The following MYO10 variants were observed in gnomAD, a reference collection of about 807,000 sequenced individuals.
MYO10 encodes unconventional myosin-X.
A neutral mutation model predicts 257.3 loss-of-function variants in MYO10; 133 were observed. The ratio of observed to expected loss-of-function variants is 0.52; its 90% confidence interval spans 0.45 to 0.60. The LOEUF is 0.60. Among genes scored for constraint, MYO10 ranks in the 20% least tolerant of loss-of-function variants. The pLI, the probability that MYO10 is intolerant of heterozygous loss-of-function variation, is 0.00. For missense variants in MYO10, 2,399 were observed against 2,635.7 expected, an observed-to-expected ratio of 0.91 and a Z score of 1.97; for synonymous variants, 1,104 against 1,028.6, an observed-to-expected ratio of 1.07 and a Z score of -1.40.
chr5:16,895,669 C>T (rs1288209292), intron 1 of MYO10, among the ~76,000 whole-genome samples: 1 of 151,492 alleles, frequency 6.6e-6, no homozygotes, highest in Non-Finnish European at 1.5e-5. Flanking sequence ...TTCCAGCATC[C>T]CCATCCATCC....
At chr5:16,921,418 C>T (rs1293747300) in intron 1 of MYO10, among the ~76,000 whole-genome samples, 1 of 151,972 alleles carries the variant, frequency 6.6e-6, no homozygotes, top group African/African-American at 2.4e-5. Context: ...TTCCAGCTGG[C>T]CAGGAATATT....
chr5:16,857,070 T>A lies in MYO10; in HGVS notation c.120+20539A>T, dbSNP rs10434655. Among the ~76,000 whole-genome samples, 6,164 of 152,304 alleles carry A rather than the reference T, an allele frequency of 0.04. 575 individuals carry two copies. The East Asian group carries it at 0.41, about 10-fold the overall frequency. ...TATATGTGTCAATTAGGTTAGTATA[T>A]GCACAATCAACTCGCTTTCTGAAAT... On this transcript the variant is annotated intron_variant, in intron 2 of 40. Transcript: ENST00000513610.
chr5:16,686,230 G>A (rs1560087), intron 28 of MYO10, among the ~76,000 whole-genome samples: 43,738 of 151,844 alleles, frequency 0.29, 6,457 homozygotes, highest in South Asian at 0.37. Flanking sequence ...GAACATTCAG[G>A]TGCTTTTTCT....
At chr5:16,699,798 AAAAAAAAAAG>A (rs1350597759) in intron 25 of MYO10, among the ~76,000 whole-genome samples, 16 of 147,624 alleles carry the variant, frequency 1.1e-4, no homozygotes, top group African/African-American at 2.9e-4. Context: ...AAAAAAAAAA[AAAAAAAAAAG>A]GGAAAAGGAA....
At chr5:16,723,020 A>C (rs1326782091) in intron 19 of MYO10, among the ~76,000 whole-genome samples, 1 of 152,238 alleles carries the variant, frequency 6.6e-6, no homozygotes, top group African/African-American at 2.4e-5. Flanking sequence ...CTGAAGAGAC[A>C]CTTCACCAAA....
chr5:16,772,098 A>G (rs1348378676), intron 9 of MYO10, among the ~76,000 whole-genome samples: 1 of 152,150 alleles, frequency 6.6e-6, no homozygotes, highest in Non-Finnish European at 1.5e-5. Context: ...CTACAATTAT[A>G]CAAGTCAAAT....
At chr5:16,845,841 G>GT (rs1743620790) in intron 2 of MYO10, among the ~76,000 whole-genome samples, 1 of 151,994 alleles carries the variant, frequency 6.6e-6, no homozygotes, top group African/African-American at 2.4e-5. Flanking sequence ...GCACGCACCT[G>GT]TAGTCCCAGC....
chr5:16,680,639 T>C (rs747119265), intron 32 of MYO10, among the ~76,000 whole-genome samples: 2 of 152,100 alleles, frequency 1.3e-5, no homozygotes, highest in Admixed American at 6.6e-5. Flanking sequence ...AAAATCAAAA[T>C]AAGCCATCTT....
chr5:16,662,247 C>T lies in MYO10; in HGVS notation c.*4445G>A, dbSNP rs1736009848. 1 of 150,384 alleles carries T rather than the reference C, an allele frequency of 6.6e-6. No individual in the cohort carries two copies. Among genetic ancestry groups the T allele is most frequent in the South Asian group, 2.1e-4 (1 of 4,786 alleles). The allele number at this position is 150,384 out of a possible 1,614,324, so 9.3% of individuals were successfully genotyped here. ...ACTTTACTATAGCAGATTTTTGACC[C>T]CAATTTAGTGTGCTATCTGAATAAA... On this transcript the variant is annotated 3_prime_UTR_variant, in exon 41 of 41. Transcript: ENST00000513610.
In MYO10 at chr5:16,689,882, C is replaced by A. The variant is rs773515579; in HGVS notation, c.3838G>T (p.Asp1280Tyr). 3 of 1,613,594 alleles carry A rather than the reference C, an allele frequency of 1.9e-6. 1 individual carries two copies. In the South Asian group the frequency reaches 3.3e-5, roughly 18 times the overall value. ...AAAGTCCTATCGGCCATAATGATGT[C>A]GATCCCATTCTCCTTGGTGGTGTTA... ...IDNTTKENGI[D>Y]IIMADRTFHL... Residue 1280 changes from aspartate to tyrosine, a missense_variant, in exon 28 of 41, where the codon GAC (aspartate) becomes TAC (tyrosine). Coordinates refer to ENST00000513610, the MANE Select transcript of MYO10 (RefSeq NM_012334.3).
At chr5:16,872,603 TAAGA>T (rs1340407263) in intron 2 of MYO10, among the ~76,000 whole-genome samples, 1 of 152,092 alleles carries the variant, frequency 6.6e-6, no homozygotes, top group Non-Finnish European at 1.5e-5. Context: ...TATAATTCAA[TAAGA>T]AAGGGAAAGA....
At chr5:16,692,141 C>G (rs557601650) in intron 27 of MYO10, among the ~76,000 whole-genome samples, 7 of 152,276 alleles carry the variant, frequency 4.6e-5, no homozygotes, top group African/African-American at 1.4e-4. Context: ...AAACTGCAGG[C>G]CAGGCACAGT....
intron 19 of MYO10, among the ~76,000 whole-genome samples, chr5:16,749,481 C>A (rs1740319541): frequency 1.4e-5 from 2 of 143,466 alleles, no homozygotes; most frequent in African/African-American, 2.7e-5. Context: ...AGAGACTCCA[C>A]CTCAAAAAAA....
intron 11 of MYO10, 50 bp from the exon 12 acceptor site, chr5:16,764,446 C>G (rs779544591): frequency 6.2e-7 from 1 of 1,601,420 alleles, no homozygotes; most frequent in Non-Finnish European, 8.5e-7. Flanking sequence ...GCACCCCAGA[C>G]AGGCAAGGCC....
In MYO10 at chr5:16,758,170, G is replaced by T; in HGVS notation, c.1796C>A (p.Thr599Asn). Residue 599 changes from threonine (T) to asparagine (N), a missense_variant, in exon 18 of 41, where the codon ACC becomes AAC. This residue lies in a region of MYO10 where 1,820 missense variants were observed against 1,939.4 expected (regional missense o/e 0.94). Transcript: ENST00000513610. ...CCGATGTTTGCTTCCACATTTCAAG[G>T]TATCCTGGTTGTTGCGGCTTGAAAC... ...EHVSSRNNQD[T>N]LKCGSKHRRP... The T allele has an allele frequency of 6.2e-7, 1 of 1,613,810 alleles. No homozygotes were observed. The highest frequency in any genetic ancestry group is 2.2e-5 in the East Asian group (1 of 44,886).
rs557682851 is a variant in MYO10 at position 16,757,993 on chromosome 5, C to T, written c.1848+125G>A. 356 of 750,432 alleles carry T rather than the reference C, an allele frequency of 4.7e-4. 1 individual carries two copies. The highest frequency in any genetic ancestry group is 7.1e-4 in the Non-Finnish European group (316 of 445,678). The allele number at this position is 750,432 out of a possible 1,614,324, so 46.5% of individuals were successfully genotyped here. A position where few individuals can be genotyped will look rare whatever the true frequency, so the allele number is the denominator to read the frequency against. ...TCTAAAGCACTATCTGGTTTAAAAG[C>T]ATGATATAAAAGGAAACAAAAATAA... On this transcript the variant is annotated intron_variant, in intron 18 of 40. Coordinates refer to ENST00000513610, the MANE Select transcript of MYO10 (RefSeq NM_012334.3).
chr5:16,742,845 G>A (rs1230605065), intron 19 of MYO10, among the ~76,000 whole-genome samples: 6 of 151,978 alleles, frequency 3.9e-5, no homozygotes, highest in Non-Finnish European at 4.4e-5. Flanking sequence ...AAAAGGCCAG[G>A]CGTGATGGCT....
chr5:16,837,223 T>G (rs1003508739), intron 2 of MYO10, among the ~76,000 whole-genome samples: 1 of 152,056 alleles, frequency 6.6e-6, no homozygotes, highest in African/African-American at 2.4e-5. Context: ...AGCAGGAGAA[T>G]TGCTGAAACC....
chr5:16,672,084 CAG>C (rs902096980), intron 37 of MYO10, among the ~76,000 whole-genome samples: 2 of 152,158 alleles, frequency 1.3e-5, no homozygotes, highest in Non-Finnish European at 2.9e-5. Flanking sequence ...CACCTGAGGT[CAG>C]GAGTTTGGGA....
Sources: gnomAD v4.1 joint callset for allele counts (sites outside exome capture counted in the v4.1 genomes callset) on GRCh38, gnomAD v4.1.1 for gene constraint, gnomAD v4.1.1 regional missense constraint, MANE v1.5 for transcripts, NCBI Gene and HGNC (gene_info 2026-07-23, HGNC 2026-07-21) for gene names.